Variants in GPC3 observed in about 807,000 individuals in gnomAD.
GPC3 encodes glypican-3.
GPC3 carries 3 observed loss-of-function variants against 34.4 expected under a neutral mutation model. The ratio of observed to expected loss-of-function variants is 0.09; its 90% CI spans 0.04 to 0.23. The LOEUF (loss-of-function observed/expected upper bound fraction) is 0.23. GPC3 is among the 10% of genes least tolerant of loss of function. GPC3 has a pLI of 1.00. For synonymous variants in GPC3, 177 were observed against 174.0 expected (o/e 1.02, Z -0.13); for missense variants, 351 against 445.6 (o/e 0.79, Z 1.91).
At chrX:133,671,371 A>G in intron 5 of GPC3, 1 of 563,779 alleles carries the variant, frequency 1.8e-6, no homozygotes. Flanking sequence ...GTGCTGGCAA[A>G]AAGTCGAAGA....
At chrX:133,792,523 C>T (rs2072176194) in intron 2 of GPC3, among the ~76,000 whole-genome samples, 1 of 111,200 alleles carries the variant, frequency 9.0e-6, no homozygotes, top group Non-Finnish European at 1.9e-5. Context: ...AAACAGGCAC[C>T]TCCCAAGTAC....
At chrX:133,887,617 C>G (rs2076067239) in intron 2 of GPC3, among the ~76,000 whole-genome samples, 1 of 111,835 alleles carries the variant, frequency 8.9e-6, no homozygotes, top group Admixed American at 9.5e-5. Context: ...GAATGCTAAG[C>G]TTGTGGGAGT....
chrX:133,808,352 C>T (rs1165174291), intron 2 of GPC3, among the ~76,000 whole-genome samples: 1 of 112,155 alleles, frequency 8.9e-6, no homozygotes. Context: ...TTGATTTTTT[C>T]AAAGAACTCC....
rs765265408 is a variant in GPC3 at position 133,791,484 on chromosome X, G to A, written c.338-37308C>T. ...GTGGCCCCTGCTGATCCAGGGTCTA[G>A]CTGTTTCCTGATACATAGAAGCAGC... On this transcript the variant is annotated intron_variant, in intron 2 of 7. Transcript: ENST00000370818. Among the ~76,000 whole-genome samples, 4 of 111,867 alleles carry A rather than the reference G, an allele frequency of 3.6e-5. No individual in the cohort carries two copies. The South Asian group carries it at 1.5e-3, about 42-fold the overall frequency.
At chrX:133,663,432 C>T (rs906994632) in intron 5 of GPC3, among the ~76,000 whole-genome samples, 13 of 111,257 alleles carry the variant, frequency 1.2e-4, no homozygotes, top group Non-Finnish European at 2.3e-4. Context: ...GCCAATTTTC[C>T]GTAGAGGCAG....
chrX:133,638,797 T>A, intron 6 of GPC3, among the ~76,000 whole-genome samples: 1 of 94,415 alleles, frequency 1.1e-5, no homozygotes, highest in African/African-American at 4.3e-5. Context: ...TAAAATACAC[T>A]AACACTAACA....
intron 2 of GPC3, among the ~76,000 whole-genome samples, chrX:133,801,214 G>A (rs989093774): frequency 4.6e-4 from 51 of 110,903 alleles, no homozygotes; most frequent in African/African-American, 1.7e-3. Flanking sequence ...TTTATTCAAC[G>A]AGAAATTTCT....
intron 2 of GPC3, among the ~76,000 whole-genome samples, chrX:133,899,993 G>A (rs1212857449): frequency 9.0e-6 from 1 of 111,342 alleles, no homozygotes; most frequent in Non-Finnish European, 1.9e-5. Context: ...AGTAGAGACA[G>A]GGTTTCACCA....
At chrX:133,757,214 G>T (rs2071734076) in intron 2 of GPC3, among the ~76,000 whole-genome samples, 1 of 111,741 alleles carries the variant, frequency 8.9e-6, no homozygotes, top group Non-Finnish European at 1.9e-5. Flanking sequence ...CAGGCAAATA[G>T]ACTTAATAAA....
chrX:133,943,433 C>A (rs2076353077), intron 2 of GPC3, among the ~76,000 whole-genome samples: 1 of 112,694 alleles, frequency 8.9e-6, no homozygotes, highest in African/African-American at 3.2e-5. Context: ...AGAGAGAACA[C>A]ATAGCATTAT....
At chrX:133,912,177 T>C (rs916728110) in intron 2 of GPC3, among the ~76,000 whole-genome samples, 5 of 112,390 alleles carry the variant, frequency 4.4e-5, no homozygotes, top group Admixed American at 2.8e-4. Flanking sequence ...AGAAATACCA[T>C]TGCTAAATCA....
chrX:133,678,950 T>C (rs1010214524), intron 5 of GPC3, among the ~76,000 whole-genome samples: 4 of 111,972 alleles, frequency 3.6e-5, no homozygotes, highest in Non-Finnish European at 7.5e-5. Context: ...ATTCCCAGCA[T>C]TGTTATTATA....
chrX:133,878,327 C>T (rs780362076), intron 2 of GPC3, among the ~76,000 whole-genome samples: 13 of 109,919 alleles, frequency 1.2e-4, no homozygotes, highest in East Asian at 5.7e-4. Flanking sequence ...CTTGGGAGGC[C>T]GAGGCAGGAG....
At chrX:133,565,995 G>A (rs968094016) in intron 7 of GPC3, among the ~76,000 whole-genome samples, 3 of 112,338 alleles carry the variant, frequency 2.7e-5, no homozygotes, top group African/African-American at 9.7e-5. Context: ...AAATGACAGT[G>A]TTTATGTAAA....
At chrX:133,622,603 G>A (rs1177135546) in intron 6 of GPC3, among the ~76,000 whole-genome samples, 7 of 111,732 alleles carry the variant, frequency 6.3e-5, no homozygotes, top group Non-Finnish European at 1.3e-4. Flanking sequence ...GAAATGAAGC[G>A]AGAAGTTTAG....
intron 2 of GPC3, among the ~76,000 whole-genome samples, chrX:133,822,675 A>T (rs1291647152): frequency 9.0e-6 from 1 of 111,568 alleles, no homozygotes; most frequent in East Asian, 2.8e-4. Flanking sequence ...TCTTGAATGC[A>T]TGTCCATGGA....
At chrX:133,826,673 T>A (rs1336687882) in intron 2 of GPC3, among the ~76,000 whole-genome samples, 3 of 109,074 alleles carry the variant, frequency 2.8e-5, no homozygotes, top group African/African-American at 1.0e-4. Context: ...TTTGAAAAAA[T>A]CAATCTACAC....
intron 5 of GPC3, chrX:133,671,092 A>T: frequency 1.5e-6 from 1 of 673,571 alleles, no homozygotes; most frequent in East Asian, 3.2e-5. Flanking sequence ...ACAGAAATTT[A>T]GAGTGCCTAA....
chrX:133,574,119 C>T (rs775439559), intron 7 of GPC3, among the ~76,000 whole-genome samples: 35 of 111,063 alleles, frequency 3.2e-4, no homozygotes, highest in Non-Finnish European at 4.3e-4. Flanking sequence ...ATAGGCAAAC[C>T]CAAAGAGACA....
Sources: allele counts gnomAD v4.1 joint callset (sites outside exome capture counted in the v4.1 genomes callset), GRCh38; gene constraint gnomAD v4.1.1; transcripts MANE v1.5; gene names NCBI Gene and HGNC (gene_info 2026-07-23, HGNC 2026-07-21).